The following PHIP variants were observed in gnomAD, a reference collection of about 807,000 sequenced individuals.
PHIP encodes PHIP subunit of CUL4-Ring ligase complex.
Under a neutral mutation model 236.8 loss-of-function variants are expected in PHIP, and 54 were observed. The observed-to-expected ratio is 0.23, with a 90% CI of 0.18 to 0.29. The LOEUF (loss-of-function observed/expected upper bound fraction) is 0.29, where lower values mean the gene tolerates loss of function less well. PHIP is among the 10% of genes least tolerant of loss of function. The pLI is 1.00. For missense variants in PHIP, 1,370 were observed against 2,190.8 expected (o/e 0.63, Z 7.48); for synonymous variants, 756 against 718.9 (o/e 1.05, Z -0.83).
Position 78,982,939 on chromosome 6 carries a change from TTTC to T in PHIP, c.2713_2715del (p.Glu905del). The stretch of plus-strand genomic sequence containing the variant: ...TTCTTTGGTGATATTGGTCCATCTT[TTTC>T]TTCATTTACTTTTTTCTTTTCCTTT... On this transcript the variant is annotated inframe_deletion, in exon 23 of 40. Transcript: ENST00000275034. The T allele has an allele frequency of 1.2e-5, 19 of 1,599,752 alleles. No homozygotes were observed. Among genetic ancestry groups the T allele is most frequent in the Non-Finnish European group, 1.4e-5 (17 of 1,174,564 alleles).
intron 7 of PHIP, among the ~76,000 whole-genome samples, chr6:79,031,410 G>A (rs1771665566): frequency 6.6e-6 from 1 of 152,074 alleles, no homozygotes; most frequent in African/African-American, 2.4e-5. Flanking sequence ...AAATTTACAG[G>A]GTTTCTTTTT....
rs970809744 is a variant in PHIP, at chr6:78,998,281, T to C, written c.1990A>G (p.Ile664Val). 6.2e-7 allele frequency: 1 copy of C among 1,611,406 alleles called. No individual in the cohort carries two copies. Among genetic ancestry groups the C allele is most frequent in the African/African-American group, 1.3e-5 (1 of 74,998 alleles). ...QDLRRSGEAVISNTSRLSRGS... is the reference protein window; with the variant it reads ...QDLRRSGEAVVSNTSRLSRGS... The stretch of plus-strand genomic sequence containing the variant: ...CTACTTAAACGGCTGGTATTACTGA[T>C]AACTGCTTCACCAGAACGTCTCAGG... The change falls in exon 18 of 40, where the codon ATC becomes GTC. Residue 664 changes from isoleucine to valine, a missense_variant. Ile to Val is a conservative substitution (Grantham distance 29). Transcript: ENST00000275034.
Position 79,017,599 on chromosome 6 carries a change from G to A in PHIP, c.995-16C>T, listed in dbSNP as rs751497417. 1.3e-6 allele frequency: 2 copies of A among 1,554,964 alleles called. No homozygotes were observed. The stretch of plus-strand genomic sequence containing the variant: ...AACATTCCACCTATGAAGAATAACA[G>A]CAATTGTTAAGAAGTAAAACATAAC... On this transcript the variant is annotated splice_polypyrimidine_tract_variant and intron_variant, in intron 10 of 39. Coordinates refer to ENST00000275034, the MANE Select transcript of PHIP (RefSeq NM_017934.7).
intron 6 of PHIP, among the ~76,000 whole-genome samples, chr6:79,047,086 T>C (rs1772533103): frequency 6.6e-6 from 1 of 152,268 alleles, no homozygotes; most frequent in East Asian, 1.9e-4. Flanking sequence ...ATCACTGTTA[T>C]CCATTTGAAT....
At chr6:78,949,470 T>TC (rs1774018647) in intron 35 of PHIP, among the ~76,000 whole-genome samples, 1 of 152,068 alleles carries the variant, frequency 6.6e-6, no homozygotes, top group East Asian at 1.9e-4. Flanking sequence ...ACCAGACAAC[T>TC]AGATACCTGT....
chr6:78,981,601 A>T (rs1768539464), intron 23 of PHIP, among the ~76,000 whole-genome samples: 1 of 152,004 alleles, frequency 6.6e-6, no homozygotes, highest in African/African-American at 2.4e-5. Flanking sequence ...AAATTATCAA[A>T]TTAAGGGGAC....
chr6:79,062,162 T>TA (rs993211807), intron 4 of PHIP, among the ~76,000 whole-genome samples: 2 of 152,178 alleles, frequency 1.3e-5, no homozygotes, highest in Non-Finnish European at 2.9e-5. Context: ...GAATTATACA[T>TA]ATTACCTCCT....
chr6:79,027,762 G>A (rs1199783892), intron 7 of PHIP, among the ~76,000 whole-genome samples: 2 of 152,248 alleles, frequency 1.3e-5, no homozygotes, highest in Admixed American at 1.3e-4. Flanking sequence ...GGGTGGAAAG[G>A]AACCCAGAAG....
intron 7 of PHIP, among the ~76,000 whole-genome samples, chr6:79,032,228 C>T (rs568421787): frequency 6.6e-6 from 1 of 152,304 alleles, no homozygotes; most frequent in African/African-American, 2.4e-5. Flanking sequence ...CAGCTGTTGG[C>T]TGATCAGGGT....
intron 24 of PHIP, among the ~76,000 whole-genome samples, chr6:78,974,101 T>C (rs920588925): frequency 6.6e-6 from 1 of 151,872 alleles, no homozygotes; most frequent in Admixed American, 6.6e-5. Context: ...CCACACCTAT[T>C]CCAAAATTGA....
intron 6 of PHIP, among the ~76,000 whole-genome samples, chr6:79,050,023 C>G (rs1373584132): frequency 6.6e-6 from 1 of 151,784 alleles, no homozygotes; most frequent in Non-Finnish European, 1.5e-5. Context: ...TACGTTAAAG[C>G]CAGGCATCAA....
chr6:79,050,551 G>A (rs1772742053), intron 6 of PHIP, among the ~76,000 whole-genome samples: 5 of 152,154 alleles, frequency 3.3e-5, no homozygotes, highest in Admixed American at 2.0e-4. Context: ...ATGTACAGCA[G>A]TTAAGGAGTG....
In PHIP at chr6:78,948,662, T is replaced by C. The variant is rs1286986829; in HGVS notation, c.4054-887A>G. ...GGCAGGCGCTACCACACCCAGCTAA[T>C]TTTTATAATTTTTGTAGAGACGGGT... On this transcript the variant is annotated intron_variant, in intron 35 of 39. Coordinates refer to ENST00000275034, the MANE Select transcript of PHIP (RefSeq NM_017934.7). 2.0e-5 allele frequency among the ~76,000 whole-genome samples: 3 copies of C among 152,200 alleles called. No individual in the cohort carries two copies. The East Asian group carries it at 5.8e-4, about 29-fold the overall frequency.
intron 9 of PHIP, among the ~76,000 whole-genome samples, chr6:79,023,084 T>C (rs1771203925): frequency 6.6e-6 from 1 of 152,212 alleles, no homozygotes; most frequent in African/African-American, 2.4e-5. Context: ...TTCTTGTTTT[T>C]GTGTTTTTAA....
intron 27 of PHIP, among the ~76,000 whole-genome samples, chr6:78,969,330 A>C (rs1324569495): frequency 6.6e-6 from 1 of 152,202 alleles, no homozygotes; most frequent in Non-Finnish European, 1.5e-5. Flanking sequence ...TGAAATTTTT[A>C]AGAGAACTAC....
chr6:79,056,803 A>G (rs1773098081), intron 6 of PHIP, among the ~76,000 whole-genome samples: 1 of 152,152 alleles, frequency 6.6e-6, no homozygotes, highest in Non-Finnish European at 1.5e-5. Flanking sequence ...AAGTTCTGGG[A>G]GAGCAGAGGT....
In PHIP at chr6:78,992,136, G is replaced by A. The variant is rs1318833314; in HGVS notation, c.2202-1151C>T. Among the ~76,000 whole-genome samples the A allele has an allele frequency of 3.3e-5, 5 of 151,584 alleles. No homozygotes were observed. In the East Asian group the frequency reaches 9.7e-4, roughly 30 times the overall value. ...CGCCACCTCGCCCGGCTAATTTTTT[G>A]TATTTTTAGTAGAGACGGGGGTCCA... On this transcript the variant is annotated intron_variant, in intron 19 of 39. Transcript: ENST00000275034.
At chr6:78,949,930 C>A (rs924081277) in intron 35 of PHIP, among the ~76,000 whole-genome samples, 1 of 152,156 alleles carries the variant, frequency 6.6e-6, no homozygotes. Context: ...CTCAAGTGAT[C>A]CACCTACCTT....
At chr6:79,012,982 A>G (rs747002714) in intron 15 of PHIP, among the ~76,000 whole-genome samples, 10 of 151,818 alleles carry the variant, frequency 6.6e-5, no homozygotes, top group Non-Finnish European at 1.2e-4. Flanking sequence ...AGTATTGTTA[A>G]AAGTTAGCTA....
Sources: gnomAD v4.1 joint callset for allele counts (sites outside exome capture counted in the v4.1 genomes callset) on GRCh38, gnomAD v4.1.1 for gene constraint, MANE v1.5 for transcripts, NCBI Gene and HGNC (gene_info 2026-07-23, HGNC 2026-07-21) for gene names.